Variants in ZNF676 observed in about 807,000 individuals in gnomAD.
The protein encoded by ZNF676 is zinc finger protein 676.
Under a neutral mutation model 6.0 loss-of-function variants are expected in ZNF676, and 4 were observed. That is an observed-to-expected ratio of 0.67 (90% CI 0.33 to 1.53). ZNF676 has a LOEUF of 1.53. ZNF676 is among the 40% of genes most tolerant of loss of function. The pLI, the probability that ZNF676 is intolerant of heterozygous loss-of-function variation, is 0.06. For missense variants in ZNF676, 644 were observed against 679.7 expected (o/e 0.95, Z 0.58); for synonymous variants, 198 against 223.1 (o/e 0.89, Z 1.00).
chr19:22,250,313 G>C, the ZNF676 span, among the ~76,000 whole-genome samples: 1 of 151,828 alleles, frequency 6.6e-6, no homozygotes, highest in Non-Finnish European at 1.5e-5. Flanking sequence ...TCTGCCTTTT[G>C]AATAAACTAC....
the ZNF676 span, chr19:22,245,177 G>C: frequency 2.0e-5 from 3 of 152,066 alleles, no homozygotes; most frequent in African/African-American, 7.2e-5. Flanking sequence ...ACATCATTTC[G>C]GTGAGAAGCC....
intron 1 of ZNF676, among the ~76,000 whole-genome samples, chr19:22,208,454 G>A (rs1321326210): frequency 1.3e-5 from 2 of 152,132 alleles, no homozygotes; most frequent in African/African-American, 2.4e-5. Context: ...ATTGTGAAAA[G>A]CAGTGTAGTG....
chr19:22,210,072 C>G (rs2024114451), intron 1 of ZNF676, among the ~76,000 whole-genome samples: 1 of 152,022 alleles, frequency 6.6e-6, no homozygotes, highest in Non-Finnish European at 1.5e-5. Flanking sequence ...CTTCTGTCAC[C>G]CTGGGAGGAG....
chr19:22,249,705 C>A, the ZNF676 span, among the ~76,000 whole-genome samples: 1 of 151,814 alleles, frequency 6.6e-6, no homozygotes, highest in South Asian at 2.1e-4. Flanking sequence ...AGCCACCATG[C>A]CTGGCCTGTA....
intron 2 of ZNF676, among the ~76,000 whole-genome samples, chr19:22,189,976 A>T (rs2023882136): frequency 6.6e-6 from 1 of 152,152 alleles, no homozygotes; most frequent in South Asian, 2.1e-4. Context: ...TTCCTCAAGG[A>T]TCTAGAACTA....
the ZNF676 span, among the ~76,000 whole-genome samples, chr19:22,235,101 AAGTC>A: frequency 1.6e-4 from 21 of 133,888 alleles, 1 homozygote; most frequent in African/African-American, 5.8e-4. Flanking sequence ...AGGAAGAAGG[AAGTC>A]AGGAAGGCAG....
At chr19:22,216,409 T>G (rs2024190622), upstream of ZNF676, among the ~76,000 whole-genome samples, 1 of 150,534 alleles carries the variant, frequency 6.6e-6, no homozygotes. Flanking sequence ...CACTGCGGCC[T>G]GGGCAACAAG....
chr19:22,239,270 G>C, the ZNF676 span, among the ~76,000 whole-genome samples: 2 of 145,302 alleles, frequency 1.4e-5, no homozygotes, highest in African/African-American at 2.6e-5. Flanking sequence ...GGCACGATCT[G>C]GGCTCACTGC....
In ZNF676 at chr19:22,180,047, C is replaced by A; in HGVS notation, c.1670G>T (p.Gly557Val). Residue 557 changes from glycine to valine, a missense_variant, in exon 3 of 3, where the codon GGA (glycine) becomes GTA (valine). Gly to Val is a moderately radical substitution (Grantham distance 109, BLOSUM62 -3). Coordinates refer to ENST00000397121, the MANE Select transcript of ZNF676 (RefSeq NM_001001411.3). Reference sequence around the variant, plus strand: ...TTCTTCACATTTGTAGGGTTTCTCTCCAGTATGAATTCTCTTGTGTCTAGT... The same window carrying A: ...TTCTTCACATTTGTAGGGTTTCTCTACAGTATGAATTCTCTTGTGTCTAGT... The part of the protein sequence containing the change: ...SLTRHKRIHT[G>V]EKPYKCEECG... The A allele has an allele frequency of 6.2e-7, 1 of 1,613,520 alleles. No homozygotes were observed. Among genetic ancestry groups the A allele is most frequent in the Non-Finnish European group, 8.5e-7 (1 of 1,179,726 alleles).
upstream of ZNF676, among the ~76,000 whole-genome samples, chr19:22,199,805 C>G (rs2024006137): frequency 6.6e-6 from 1 of 152,062 alleles, no homozygotes; most frequent in Non-Finnish European, 1.5e-5. Context: ...GAACAGAAAA[C>G]AAGTTGCTAA....
At chr19:22,213,516 C>T (rs537183416) in intron 1 of ZNF676, among the ~76,000 whole-genome samples, 71 of 152,292 alleles carry the variant, frequency 4.7e-4, no homozygotes, top group African/African-American at 1.7e-3. Flanking sequence ...ACCTGCTCTC[C>T]TGAAAGGCTA....
At chr19:22,181,943 T>TA (rs766408094) in intron 2 of ZNF676, among the ~76,000 whole-genome samples, 3 of 149,618 alleles carry the variant, frequency 2.0e-5, no homozygotes, top group Non-Finnish European at 4.5e-5. Flanking sequence ...TTTTTTTTTT[T>TA]AAGGAAAGTA....
Position 22,181,198 on chromosome 19 carries a change from T to C in ZNF676, c.519A>G (p.Glu173=). 1 of 1,614,006 alleles carries C rather than the reference T, an allele frequency of 6.2e-7. No homozygotes were observed. The highest frequency in any genetic ancestry group is 8.5e-7 in the Non-Finnish European group (1 of 1,179,930). ...YTRENSYKCE[E]NGKAFNWSST... Reference sequence around the variant, plus strand: ...AGGACCAGTTAAAAGCTTTGCCATTTTCTTCACATTTGTAGGAATTCTCTC... The same window carrying C: ...AGGACCAGTTAAAAGCTTTGCCATTCTCTTCACATTTGTAGGAATTCTCTC... The change falls in exon 3 of 3, where the codon GAA becomes GAG. Residue 173 remains glutamate (E), a synonymous_variant. Coordinates refer to ENST00000397121, the MANE Select transcript of ZNF676 (RefSeq NM_001001411.3).
At chr19:22,215,261 G>A (rs2024172055) in intron 1 of ZNF676, among the ~76,000 whole-genome samples, 1 of 152,012 alleles carries the variant, frequency 6.6e-6, no homozygotes, top group Non-Finnish European at 1.5e-5. Flanking sequence ...AATTTTTAAT[G>A]GGAGAATACA....
At position 22,181,536 on chromosome 19, in the gene ZNF676, C is replaced by T. The variant is rs568114767; in HGVS notation, c.181G>A (p.Asp61Asn). ...CTCAATATCATTTTTTGGAAAGAAT[C>T]TTCTATGCCTTGCTCTGGCCAAAAC... Reference protein sequence around the residue: ...QEFWPEQGIEDSFQKMILRRY... With the variant: ...QEFWPEQGIENSFQKMILRRY... Residue 61 changes from aspartate to asparagine, a missense_variant, in exon 3 of 3, where the codon GAT (aspartate) becomes AAT (asparagine). By Grantham distance (23) the Asp-to-Asn change is conservative (BLOSUM62 1). Transcript: ENST00000397121. 6.2e-7 allele frequency: 1 copy of T among 1,608,114 alleles called. No homozygotes were observed. The highest frequency in any genetic ancestry group is 8.5e-7 in the Non-Finnish European group (1 of 1,177,526).
chr19:22,221,390 T>G, the ZNF676 span, among the ~76,000 whole-genome samples: 2 of 152,194 alleles, frequency 1.3e-5, no homozygotes, highest in African/African-American at 4.8e-5. Context: ...GTGTTCCTAT[T>G]TGAATTGATT....
chr19:22,212,792 C>T (rs1055190131), intron 1 of ZNF676, among the ~76,000 whole-genome samples: 9 of 151,750 alleles, frequency 5.9e-5, no homozygotes, highest in African/African-American at 2.2e-4. Flanking sequence ...GTCAAGAGTT[C>T]GAGACCAGCC....
At chr19:22,199,653 A>G (rs2024004378), upstream of ZNF676, among the ~76,000 whole-genome samples, 1 of 152,232 alleles carries the variant, frequency 6.6e-6, no homozygotes, top group Non-Finnish European at 1.5e-5. Context: ...AAAGCTAACT[A>G]TAGACAGATG....
At chr19:22,258,984 C>T in the ZNF676 span, among the ~76,000 whole-genome samples, 84 of 152,274 alleles carry the variant, frequency 5.5e-4, no homozygotes, top group African/African-American at 1.8e-3. Context: ...TTGTCCTGCA[C>T]GCTGGGTGTC....
Sources: allele counts gnomAD v4.1 joint callset (sites outside exome capture counted in the v4.1 genomes callset), GRCh38; gene constraint gnomAD v4.1.1; transcripts MANE v1.5; gene names NCBI Gene and HGNC (gene_info 2026-07-23, HGNC 2026-07-21).